Variants in RUNX1 observed in about 807,000 individuals in gnomAD.
The protein encoded by RUNX1 is RUNX family transcription factor 1, also known as runt-related transcription factor 1.
In RUNX1, 19 loss-of-function variants were observed where a neutral mutation model predicts 42.8. The observed-to-expected ratio is 0.44, with a 90% CI of 0.31 to 0.65. RUNX1 has a LOEUF of 0.65. RUNX1 is among the 30% of genes least tolerant of loss of function. The pLI is 0.07. For synonymous variants in RUNX1, 271 were observed against 289.4 expected (o/e 0.94, Z 0.64); for missense variants, 528 against 672.0 (o/e 0.79, Z 2.37).
chr21:34,969,465 G>A (rs776112912), intron 2 of RUNX1, among the ~76,000 whole-genome samples: 1 of 152,124 alleles, frequency 6.6e-6, no homozygotes, highest in Admixed American at 6.5e-5. Flanking sequence ...AAGATGAAAC[G>A]TGGAGAAATA....
intron 2 of RUNX1, among the ~76,000 whole-genome samples, chr21:34,985,922 G>C (rs377008023): frequency 4.1e-5 from 6 of 146,502 alleles, no homozygotes; most frequent in African/African-American, 1.5e-4. Flanking sequence ...ACCCAGGCTG[G>C]AGTACAATAG....
intron 7 of RUNX1, among the ~76,000 whole-genome samples, chr21:34,830,631 T>G (rs1201757986): frequency 6.6e-6 from 1 of 152,184 alleles, no homozygotes; most frequent in Non-Finnish European, 1.5e-5. Flanking sequence ...ACTGGCTTTG[T>G]AGCAAGGAAG....
At chr21:34,968,618 G>T (rs376735299) in intron 2 of RUNX1, among the ~76,000 whole-genome samples, 2 of 151,998 alleles carry the variant, frequency 1.3e-5, no homozygotes, top group African/African-American at 4.8e-5. Context: ...TCAGTACGGG[G>T]TGTAGATGAG....
chr21:34,961,288 C>T (rs551027670), intron 2 of RUNX1, among the ~76,000 whole-genome samples: 13 of 151,858 alleles, frequency 8.6e-5, no homozygotes, highest in African/African-American at 2.7e-4. Context: ...GCAGGGGAGG[C>T]GGATGTTACA....
At chr21:34,971,527 A>ATCCG (rs1371758039) in intron 2 of RUNX1, among the ~76,000 whole-genome samples, 1 of 152,028 alleles carries the variant, frequency 6.6e-6, no homozygotes, top group East Asian at 1.9e-4. Flanking sequence ...CCATCCATCC[A>ATCCG]TCCATCCATC....
intron 5 of RUNX1, among the ~76,000 whole-genome samples, chr21:34,866,347 A>G (rs932067224): frequency 1.3e-5 from 2 of 152,260 alleles, no homozygotes; most frequent in African/African-American, 2.4e-5. Context: ...CAAGAGAGTC[A>G]GTGAAGGCTC....
intron 2 of RUNX1, among the ~76,000 whole-genome samples, chr21:34,968,260 C>T (rs1791218619): frequency 6.6e-6 from 1 of 152,186 alleles, no homozygotes; most frequent in Admixed American, 6.5e-5. Context: ...TGTCTCTTCG[C>T]AGAGTCTCTT....
chr21:34,796,877 TAG>T (rs906044810), intron 8 of RUNX1, among the ~76,000 whole-genome samples: 2 of 150,746 alleles, frequency 1.3e-5, no homozygotes. Flanking sequence ...CTGCAAAGGA[TAG>T]AGAGAGAGAG....
At chr21:34,891,878 GA>G (rs1427771957) in intron 3 of RUNX1, among the ~76,000 whole-genome samples, 2 of 152,092 alleles carry the variant, frequency 1.3e-5, no homozygotes, top group Non-Finnish European at 2.9e-5. Flanking sequence ...TTAGTTGGAA[GA>G]AAAATAATTT....
intron 2 of RUNX1, among the ~76,000 whole-genome samples, chr21:35,020,096 G>A (rs1344339982): frequency 2.0e-5 from 3 of 151,856 alleles, no homozygotes; most frequent in African/African-American, 7.3e-5. Context: ...ATTTAATACT[G>A]TATATATAGC....
At chr21:35,000,493 G>C (rs1209901728) in intron 2 of RUNX1, among the ~76,000 whole-genome samples, 1 of 151,936 alleles carries the variant, frequency 6.6e-6, no homozygotes, top group Admixed American at 6.5e-5. Context: ...GCCCACCTCG[G>C]CCTCCCAAAG....
In RUNX1 at chr21:34,829,236, T is replaced by C. The variant is rs565415899; in HGVS notation, c.805+5174A>G. Among the ~76,000 whole-genome samples the C allele has an allele frequency of 5.3e-5, 8 of 152,370 alleles. No individual in the cohort carries two copies. In the East Asian group the frequency reaches 1.5e-3, roughly 29 times the overall value. ...GCCTTCTGATATGTAGCCATCAATA[T>C]CAAATACATGCTCCAACTACAACTT... On this transcript the variant is annotated intron_variant, in intron 7 of 8. Transcript: ENST00000675419.
At chr21:34,984,120 C>T (rs1358644395) in intron 2 of RUNX1, among the ~76,000 whole-genome samples, 1 of 151,846 alleles carries the variant, frequency 6.6e-6, no homozygotes, top group South Asian at 2.1e-4. Context: ...ACAAGAGTGG[C>T]CAGATTCACA....
chr21:34,951,078 G>A lies in RUNX1; in HGVS notation c.59-58115C>T, dbSNP rs78666094. ...CTGGAAGTCAAGTGACAAGGTATGC[G>A]TGTTTTACAGTGCTGCCGAGTGTTA... On this transcript the variant is annotated intron_variant, in intron 2 of 8. Transcript: ENST00000675419. 7.9e-3 allele frequency among the ~76,000 whole-genome samples: 1,201 copies of A among 152,316 alleles called. 8 individuals carry two copies. Among genetic ancestry groups the A allele is most frequent in the African/African-American group, 0.028 (1,156 of 41,556 alleles).
intron 7 of RUNX1, among the ~76,000 whole-genome samples, chr21:34,824,755 C>T (rs1369047483): frequency 6.6e-6 from 1 of 152,102 alleles, no homozygotes; most frequent in Non-Finnish European, 1.5e-5. Context: ...AATGAAAGTC[C>T]CTCCGCATCA....
chr21:34,986,685 A>G (rs1482677400), intron 2 of RUNX1, among the ~76,000 whole-genome samples: 1 of 151,660 alleles, frequency 6.6e-6, no homozygotes, highest in African/African-American at 2.4e-5. Context: ...TAATGCAAAG[A>G]TGACTCAAGG....
At chr21:34,919,911 A>C (rs759100986) in intron 2 of RUNX1, among the ~76,000 whole-genome samples, 2 of 152,204 alleles carry the variant, frequency 1.3e-5, no homozygotes, top group Non-Finnish European at 2.9e-5. Flanking sequence ...AGGTTTAAGC[A>C]TTCCTTCCTT....
At chr21:34,913,855 T>G (rs1027233879) in intron 2 of RUNX1, among the ~76,000 whole-genome samples, 4 of 152,204 alleles carry the variant, frequency 2.6e-5, no homozygotes, top group African/African-American at 9.7e-5. Flanking sequence ...CTTAGGAGAC[T>G]CTAAAAATAT....
intron 2 of RUNX1, among the ~76,000 whole-genome samples, chr21:34,984,320 A>C (rs2058868773): frequency 6.6e-6 from 1 of 152,228 alleles, no homozygotes. Context: ...TGGAGGATGA[A>C]GTGGCCTAGA....
Sources: allele counts gnomAD v4.1 joint callset (sites outside exome capture counted in the v4.1 genomes callset), GRCh38; gene constraint gnomAD v4.1.1; transcripts MANE v1.5; gene names NCBI Gene and HGNC (gene_info 2026-07-23, HGNC 2026-07-21).